ABCA5: variants seen among roughly 807,000 people sequenced by gnomAD.
The protein encoded by ABCA5 is ATP binding cassette subfamily A member 5, also known as cholesterol transporter ABCA5.
Under a neutral mutation model 206.0 loss-of-function variants are expected in ABCA5, and 163 were observed. The ratio of observed to expected loss-of-function variants is 0.79; its 90% confidence interval spans 0.70 to 0.90. ABCA5 has a LOEUF of 0.90. Among genes scored for constraint, ABCA5 ranks in the 40% least tolerant of loss-of-function variants. ABCA5 has a pLI of 0.00. For missense variants in ABCA5, 1,859 were observed against 1,912.9 expected (o/e 0.97, Z 0.53); for synonymous variants, 609 against 613.8 (o/e 0.99, Z 0.11).
chr17:69,252,384 T>A (rs1201916385), intron 34 of ABCA5, among the ~76,000 whole-genome samples: 1 of 152,184 alleles, frequency 6.6e-6, no homozygotes, highest in Non-Finnish European at 1.5e-5. Flanking sequence ...AAATCTATGA[T>A]TTCAAATGTT....
intron 1 of ABCA5, chr17:69,317,960 AC>A (rs2075831591): frequency 1.3e-5 from 2 of 152,178 alleles, no homozygotes; most frequent in Admixed American, 1.3e-4. Flanking sequence ...AACAACAACA[AC>A]AAAAAAATCC....
At chr17:69,287,475 T>A (rs1455821115) in intron 15 of ABCA5, 138 bp downstream of exon 15, 6 of 1,232,928 alleles carry the variant, frequency 4.9e-6, no homozygotes, top group Non-Finnish European at 6.5e-6. Context: ...ATTTTAAAAT[T>A]TTTTAGAACT....
At chr17:69,320,381 A>G (rs1198297685) in intron 1 of ABCA5, among the ~76,000 whole-genome samples, 5 of 152,192 alleles carry the variant, frequency 3.3e-5, no homozygotes, top group African/African-American at 1.2e-4. Flanking sequence ...AAAAATGATG[A>G]AAGTATTAAC....
intron 25 of ABCA5, 36 bp from the exon 26 acceptor site, chr17:69,261,295 T>G (rs764965301): frequency 1.3e-6 from 2 of 1,565,530 alleles, no homozygotes; most frequent in South Asian, 2.5e-5. Context: ...AGTGACAAAG[T>G]GTTTAGAAAC....
At position 69,309,418 on chromosome 17, in the gene ABCA5, T is replaced by C; in HGVS notation, c.313A>G (p.Ile105Val). Residue 105 changes from isoleucine to valine, a missense_variant, in exon 4 of 39, where the codon ATT (isoleucine) becomes GTT (valine). By Grantham distance (29) the Ile-to-Val change is conservative (BLOSUM62 3). Transcript: ENST00000392676. ...TTTTCATTTGTATATTCTTCAGTAA[T>C]TATGACTGTAAGATATCATAACAAT... ...VSTDHLPDVI[I>V]TEEYTNEKEM... 3 of 1,557,864 alleles carry C rather than the reference T, an allele frequency of 1.9e-6. No individual in the cohort carries two copies. Among genetic ancestry groups the C allele is most frequent in the African/African-American group, 1.4e-5 (1 of 72,156 alleles).
chr17:69,299,709 AG>A (rs200179230), intron 9 of ABCA5, among the ~76,000 whole-genome samples: 2 of 151,558 alleles, frequency 1.3e-5, no homozygotes, highest in Non-Finnish European at 2.9e-5. Context: ...AAAAGGTGGG[AG>A]GGGGGTGAGG....
chr17:69,250,387 T>C (rs562420883), intron 36 of ABCA5, 85 bp downstream of exon 36: 1 of 1,237,090 alleles, frequency 8.1e-7, no homozygotes, highest in South Asian at 1.6e-5. Flanking sequence ...AATGAAAAGA[T>C]GATTTTTCAC....
intron 20 of ABCA5, among the ~76,000 whole-genome samples, chr17:69,271,513 C>A (rs1380216738): frequency 6.6e-6 from 1 of 152,102 alleles, no homozygotes; most frequent in African/African-American, 2.4e-5. Flanking sequence ...ACCTTAAGTT[C>A]CCTCTTTTGT....
chr17:69,291,709 TG>T (rs1266607601), intron 11 of ABCA5, among the ~76,000 whole-genome samples: 1 of 152,056 alleles, frequency 6.6e-6, no homozygotes, highest in Non-Finnish European at 1.5e-5. Flanking sequence ...AGCATAGAAA[TG>T]GCTTGAAAGG....
Position 69,287,751 on chromosome 17 carries a change from T to A in ABCA5, c.1903A>T (p.Ile635Leu). 2 of 1,612,572 alleles carry A rather than the reference T, an allele frequency of 1.2e-6. No individual in the cohort carries two copies. The highest frequency in any genetic ancestry group is 1.7e-6 in the Non-Finnish European group (2 of 1,179,340). Residue 635 changes from isoleucine to leucine, a missense_variant and splice_region_variant, in exon 15 of 39, where the codon ATA (isoleucine) becomes TTA (leucine). By Grantham distance (5) the Ile-to-Leu change is conservative. Transcript: ENST00000392676. Reference protein sequence around the residue: ...LGIAVLGNPKILLLDEPTAGM... With the variant: ...LGIAVLGNPKLLLLDEPTAGM... ...GCTGTTGGTTCATCTAGCAGCAGTA[T>A]CTGTGTGAAAAGAGGTGAAGAAGGG...
chr17:69,301,125 A>C lies in ABCA5; in HGVS notation c.1267+14T>G. On this transcript the variant is annotated intron_variant, in intron 9 of 38. Transcript: ENST00000392676. ...AAAAATCTTTAAAGTAAAATTCAAA[A>C]ACCATCTGCATACCTGGAATGACTT... is the stretch of plus-strand genomic sequence containing the variant. The C allele has an allele frequency of 1.3e-6, 2 of 1,489,472 alleles. No homozygotes were observed. The highest frequency in any genetic ancestry group is 1.8e-6 in the Non-Finnish European group (2 of 1,126,256). The allele number at this position is 1,489,472 out of a possible 1,614,324, so 92.3% of individuals were successfully genotyped here. A position where few individuals can be genotyped will look rare whatever the true frequency, so the allele number is the denominator to read the frequency against.
At position 69,326,145 on chromosome 17, in the gene ABCA5, G is replaced by A. The variant is rs1316050225; in HGVS notation, c.-16+907C>T. 6.6e-6 allele frequency among the ~76,000 whole-genome samples: 1 copy of A among 152,116 alleles called. No individual in the cohort carries two copies. Among genetic ancestry groups the A allele is most frequent in the Non-Finnish European group, 1.5e-5 (1 of 68,018 alleles). On this transcript the variant is annotated intron_variant, in intron 1 of 38. Coordinates refer to ENST00000392676, the MANE Select transcript of ABCA5 (RefSeq NM_172232.4). This position sits in a 1 kb window ranked among gnomAD's most constrained non-coding sequence, Gnocchi z 4.8. ...TCAACTCCATCCTTTTACTAGCTGA[G>A]ACCTTAATAAGTTACTTAACCTCTT...
At chr17:69,251,406 C>G (rs1366164695) in intron 35 of ABCA5, 1 of 196,518 alleles carries the variant, frequency 5.1e-6, no homozygotes. Context: ...TGACACATTT[C>G]TTTACTCAAT....
At position 69,290,166 on chromosome 17, in the gene ABCA5, G is replaced by C. The variant is rs115819511; in HGVS notation, c.1607-129C>G. On this transcript the variant is annotated intron_variant, in intron 12 of 38. Transcript: ENST00000392676. ...GTAAAAATTAATATAAATTTACAAG[G>C]CACAACACACCCTTCAATATTATTG... The C allele has an allele frequency of 1.8e-3, 1,051 of 571,608 alleles. 13 individuals are homozygous for C. Among genetic ancestry groups the C allele is most frequent in the African/African-American group, 0.017 (909 of 51,990 alleles). 35.4% of individuals were successfully genotyped at this position (571,608 alleles called of 1,614,324 possible).
At chr17:69,320,364 G>A (rs1202091880) in intron 1 of ABCA5, among the ~76,000 whole-genome samples, 1 of 152,012 alleles carries the variant, frequency 6.6e-6, no homozygotes, top group Non-Finnish European at 1.5e-5. Context: ...CAAAAGGACA[G>A]AGAGAAAAAA....
At chr17:69,290,483 A>G (rs1234100999) in intron 12 of ABCA5, among the ~76,000 whole-genome samples, 1 of 152,106 alleles carries the variant, frequency 6.6e-6, no homozygotes, top group East Asian at 1.9e-4. Context: ...CATTGTTTTA[A>G]TAGTGAAAAT....
Position 69,253,627 on chromosome 17 carries a change from G to C in ABCA5, c.4361C>G (p.Thr1454Ser). ...ALSMLGNPQI[T>S]LLDEPSTGMD... Reference sequence around the variant, plus strand: ...ACCTGTAGATGGTTCATCTAGCAAAGTAATCTGAGGATTCCCTAGCATACT... The same window carrying C: ...ACCTGTAGATGGTTCATCTAGCAAACTAATCTGAGGATTCCCTAGCATACT... Residue 1454 changes from threonine (T) to serine (S), a missense_variant, in exon 34 of 39, where the codon ACT becomes AGT. By Grantham distance (58) the Thr-to-Ser change is moderately conservative. Coordinates refer to ENST00000392676, the MANE Select transcript of ABCA5 (RefSeq NM_172232.4). 2 of 1,613,778 alleles carry C rather than the reference G, an allele frequency of 1.2e-6. No homozygotes were observed. Among genetic ancestry groups the C allele is most frequent in the Non-Finnish European group, 1.7e-6 (2 of 1,179,830 alleles).
intron 10 of ABCA5, 70 bp from the exon 11 acceptor site, chr17:69,294,783 A>G: frequency 2.0e-6 from 2 of 994,780 alleles, no homozygotes; most frequent in Non-Finnish European, 3.0e-6. Context: ...TTTACCATGC[A>G]TATTTTTATC....
intron 24 of ABCA5, among the ~76,000 whole-genome samples, chr17:69,264,150 T>C (rs1023748384): frequency 6.6e-6 from 1 of 152,194 alleles, no homozygotes; most frequent in Non-Finnish European, 1.5e-5. Flanking sequence ...CTTTAATATA[T>C]TGAGTCTTCT....
Sources: gnomAD v4.1 joint callset for allele counts (sites outside exome capture counted in the v4.1 genomes callset) on GRCh38, gnomAD v4.1.1 for gene constraint, Gnocchi (gnomAD v3.1) non-coding constraint, MANE v1.5 for transcripts, NCBI Gene and HGNC (gene_info 2026-07-23, HGNC 2026-07-21) for gene names.